Variants in CDK14 observed in about 807,000 individuals in gnomAD.
CDK14 encodes cyclin dependent kinase 14, also known as cyclin-dependent kinase 14.
CDK14 carries 34 observed loss-of-function variants against 60.7 expected under a neutral mutation model. The ratio of observed to expected loss-of-function variants is 0.56; its 90% confidence interval spans 0.43 to 0.75. The LOEUF is 0.75. Ranked by LOEUF, CDK14 falls within the 30% of genes least tolerant of loss-of-function variation. CDK14 has a pLI of 0.00. For synonymous variants in CDK14, 197 were observed against 203.7 expected, an observed-to-expected ratio of 0.97 and a Z score of 0.28; for missense variants, 482 against 564.1, an observed-to-expected ratio of 0.85 and a Z score of 1.47.
intron 7 of CDK14, among the ~76,000 whole-genome samples, chr7:90,902,832 A>C (rs1792559954): frequency 6.6e-6 from 1 of 152,170 alleles, no homozygotes; most frequent in Non-Finnish European, 1.5e-5. Context: ...AATATTTGCA[A>C]ACTCTTCATC....
intron 10 of CDK14, among the ~76,000 whole-genome samples, chr7:90,994,035 C>T (rs546214116): frequency 6.6e-6 from 1 of 152,306 alleles, no homozygotes; most frequent in South Asian, 2.1e-4. Context: ...ACATATATGA[C>T]TACTTCCTGG....
chr7:90,660,280 G>T (rs1800842758), intron 2 of CDK14, among the ~76,000 whole-genome samples: 1 of 151,936 alleles, frequency 6.6e-6, no homozygotes, highest in Non-Finnish European at 1.5e-5. Context: ...ATCAAATACT[G>T]GCTAACTCAA....
At chr7:91,096,395 A>G (rs1275469514) in intron 12 of CDK14, among the ~76,000 whole-genome samples, 2 of 152,182 alleles carry the variant, frequency 1.3e-5, no homozygotes, top group South Asian at 2.1e-4. Flanking sequence ...GCCAACAGCC[A>G]TGTGAACGAA....
chr7:91,093,042 A>G (rs183111913), intron 12 of CDK14, among the ~76,000 whole-genome samples: 34 of 152,332 alleles, frequency 2.2e-4, no homozygotes, highest in Admixed American at 1.6e-3. Context: ...AATTTTATGC[A>G]TACTAACTTT....
At chr7:90,915,643 A>T (rs1336796300) in intron 7 of CDK14, among the ~76,000 whole-genome samples, 2 of 152,160 alleles carry the variant, frequency 1.3e-5, no homozygotes, top group African/African-American at 4.8e-5. Context: ...TTGCCTACTG[A>T]TGTTGATTTC....
chr7:90,597,069 T>G, intron 1 of CDK14: 1 of 265,604 alleles, frequency 3.8e-6, no homozygotes. Flanking sequence ...GGCCACTTGT[T>G]ATTTTTTGCG....
rs542051562 is a variant in CDK14 at position 91,105,497 on chromosome 7, A to G, written c.1155-7045A>G. The stretch of plus-strand genomic sequence containing the variant: ...TCAGGCTTAAATTTACACAGTTTGC[A>G]TGCTCTTGGAAACCAACAGCAAGAA... On this transcript the variant is annotated intron_variant, in intron 12 of 14. Coordinates refer to ENST00000380050, the MANE Select transcript of CDK14 (RefSeq NM_001287135.2). Among the ~76,000 whole-genome samples the G allele has an allele frequency of 5.9e-5, 9 of 152,336 alleles. No homozygotes were observed. The South Asian group carries it at 1.7e-3, about 28-fold the overall frequency.
intron 4 of CDK14, among the ~76,000 whole-genome samples, chr7:90,780,682 T>C (rs1467510753): frequency 4.0e-5 from 6 of 151,308 alleles, no homozygotes; most frequent in Admixed American, 2.0e-4. Flanking sequence ...CGATAGTTAA[T>C]GAGAATGATG....
intron 1 of CDK14, among the ~76,000 whole-genome samples, chr7:90,602,870 C>G (rs989433079): frequency 6.6e-6 from 1 of 152,166 alleles, no homozygotes; most frequent in African/African-American, 2.4e-5. Flanking sequence ...ACCTGCATCC[C>G]CCTTAACTCA....
chr7:91,099,489 A>C (rs1467439102), intron 12 of CDK14, among the ~76,000 whole-genome samples: 1 of 152,204 alleles, frequency 6.6e-6, no homozygotes, highest in African/African-American at 2.4e-5. Flanking sequence ...AATAGTATAA[A>C]TATTCAAAGC....
chr7:91,000,735 G>A (rs906170182), intron 10 of CDK14, among the ~76,000 whole-genome samples: 3 of 152,184 alleles, frequency 2.0e-5, no homozygotes, highest in Admixed American at 1.3e-4. Context: ...CTTAAGAAAG[G>A]AGATTATCTA....
chr7:91,167,939 A>G (rs1318823930), intron 14 of CDK14, among the ~76,000 whole-genome samples: 2 of 152,212 alleles, frequency 1.3e-5, no homozygotes, highest in African/African-American at 4.8e-5. Context: ...GCAGAGCCTT[A>G]TATTTTGGAA....
chr7:91,197,642 G>A (rs1004167411), intron 14 of CDK14, among the ~76,000 whole-genome samples: 5 of 152,102 alleles, frequency 3.3e-5, no homozygotes, highest in African/African-American at 1.2e-4. Flanking sequence ...TTCTTCAAAG[G>A]TCCTATCTTT....
intron 2 of CDK14, among the ~76,000 whole-genome samples, chr7:90,723,608 TG>T (rs1486785674): frequency 6.6e-6 from 1 of 152,198 alleles, no homozygotes; most frequent in Non-Finnish European, 1.5e-5. Context: ...ATTATATTTA[TG>T]GGATACAAGT....
chr7:90,801,752 G>T (rs1215871071), intron 5 of CDK14, among the ~76,000 whole-genome samples: 1 of 151,934 alleles, frequency 6.6e-6, no homozygotes, highest in Non-Finnish European at 1.5e-5. Flanking sequence ...TAGATTCCTG[G>T]GCTGTCCCAT....
Position 91,051,019 on chromosome 7 carries a change from A to G in CDK14, c.1105+5059A>G, listed in dbSNP as rs1797375530. On this transcript the variant is annotated intron_variant, in intron 11 of 14. Coordinates refer to ENST00000380050, the MANE Select transcript of CDK14 (RefSeq NM_001287135.2). ...CAATTTCTCATTGTCCTTCTAAAGA[A>G]CAGTTTACTGGCAATTAGACTATTT... 1.3e-5 allele frequency among the ~76,000 whole-genome samples: 2 copies of G among 152,192 alleles called. 1 individual carries two copies. Among genetic ancestry groups the G allele is most frequent in the South Asian group, 4.1e-4 (2 of 4,836 alleles).
intron 10 of CDK14, among the ~76,000 whole-genome samples, chr7:91,043,075 G>A (rs1176374225): frequency 2.0e-5 from 3 of 152,188 alleles, no homozygotes; most frequent in African/African-American, 7.2e-5. Context: ...AATCTCAATA[G>A]TTAAGCCTAT....
intron 7 of CDK14, among the ~76,000 whole-genome samples, chr7:90,905,273 T>A (rs1792659256): frequency 6.6e-6 from 1 of 152,176 alleles, no homozygotes; most frequent in African/African-American, 2.4e-5. Context: ...TTAGTTAGAA[T>A]ACCAAATGTG....
At chr7:91,141,423 G>A (rs1187332584) in intron 14 of CDK14, among the ~76,000 whole-genome samples, 1 of 152,194 alleles carries the variant, frequency 6.6e-6, no homozygotes, top group African/African-American at 2.4e-5. Flanking sequence ...AAGTAGAGGT[G>A]TCCTTTCGTT....
Sources: allele counts gnomAD v4.1 joint callset (sites outside exome capture counted in the v4.1 genomes callset), GRCh38; gene constraint gnomAD v4.1.1; transcripts MANE v1.5; gene names NCBI Gene and HGNC (gene_info 2026-07-23, HGNC 2026-07-21).